SESTD1: variants seen among roughly 807,000 people sequenced by gnomAD.
SESTD1 encodes SEC14 domain and spectrin repeat-containing protein 1.
A neutral mutation model predicts 101.7 loss-of-function variants in SESTD1; 43 were observed. The observed-to-expected ratio is 0.42, with a 90% CI of 0.33 to 0.55. The LOEUF is 0.55. SESTD1 is among the 20% of genes least tolerant of loss of function. The pLI, the probability that SESTD1 is intolerant of heterozygous loss-of-function variation, is 0.07. For missense variants in SESTD1, 647 were observed against 815.1 expected (o/e 0.79, Z 2.51); for synonymous variants, 283 against 286.8 (o/e 0.99, Z 0.13).
intron 14 of SESTD1, 128 bp from the exon 15 acceptor site, chr2:179,116,918 A>G (rs2044645927): frequency 7.9e-7 from 1 of 1,262,616 alleles, no homozygotes; most frequent in East Asian, 2.5e-5. Context: ...AAGTCTTAAA[A>G]GCTTATTTCA....
intron 9 of SESTD1, among the ~76,000 whole-genome samples, chr2:179,134,742 G>C (rs2045099606): frequency 6.6e-6 from 1 of 151,924 alleles, no homozygotes; most frequent in South Asian, 2.1e-4. Flanking sequence ...GCTCTCTAAA[G>C]CTCTTGTTTC....
At chr2:179,183,947 A>T (rs1348281691) in intron 2 of SESTD1, among the ~76,000 whole-genome samples, 3 of 151,950 alleles carry the variant, frequency 2.0e-5, no homozygotes, top group Non-Finnish European at 2.9e-5. Context: ...AGAATTTGTA[A>T]ACCAAGTCAA....
rs567557798 is a variant in SESTD1 at position 179,159,146 on chromosome 2, G to A, written c.370-7755C>T. On this transcript the variant is annotated intron_variant, in intron 5 of 17. Coordinates refer to ENST00000428443, the MANE Select transcript of SESTD1 (RefSeq NM_178123.5). The stretch of plus-strand genomic sequence containing the variant: ...ATCTTATTCTATGCATACGCTTTTC[G>A]CCTAACAATCACCTTTATAAAGTGG... Among the ~76,000 whole-genome samples the A allele has an allele frequency of 2.6e-5, 4 of 152,188 alleles. No individual in the cohort carries two copies. In the East Asian group the frequency reaches 5.8e-4, roughly 22 times the overall value.
chr2:179,144,546 T>A (rs2045353428), intron 8 of SESTD1, among the ~76,000 whole-genome samples: 1 of 151,400 alleles, frequency 6.6e-6, no homozygotes, highest in South Asian at 2.1e-4. Flanking sequence ...AAGCTGTAGA[T>A]ATTAAATAAT....
At chr2:179,186,684 ATTTTTTTTTTTTT>A (rs35153936) in intron 2 of SESTD1, among the ~76,000 whole-genome samples, 1 of 118,690 alleles carries the variant, frequency 8.4e-6, no homozygotes, top group South Asian at 2.9e-4. Flanking sequence ...TTTTCAGGGA[ATTTTTTTTTTTTT>A]TTTTTTTTGA....
At chr2:179,230,111 C>CTTTTTTTTTTTTTT (rs1559153333) in intron 1 of SESTD1, among the ~76,000 whole-genome samples, 1 of 80,358 alleles carries the variant, frequency 1.2e-5, no homozygotes, top group Admixed American at 2.0e-4. Context: ...TGGATTGTAT[C>CTTTTTTTTTTTTTT]TCTTTTTTTT....
chr2:179,130,231 G>A (rs2044978706), intron 10 of SESTD1, among the ~76,000 whole-genome samples: 1 of 152,084 alleles, frequency 6.6e-6, no homozygotes. Context: ...CAAGAGATCT[G>A]TGTCTTAACA....
rs193112572 is a variant in SESTD1 at position 179,230,503 on chromosome 2, G to C, written c.-26+33996C>G. On this transcript the variant is annotated intron_variant, in intron 1 of 17. Transcript: ENST00000428443. ...CATCATAAATCAGAAATATAAACCT[G>C]AAAATAGAATGGGCAAAAATAAATA... is the stretch of plus-strand genomic sequence containing the variant. 2.0e-5 allele frequency among the ~76,000 whole-genome samples: 3 copies of C among 151,858 alleles called. No individual in the cohort carries two copies. In the East Asian group the frequency reaches 5.8e-4, roughly 29 times the overall value.
At chr2:179,159,897 C>T (rs890134255) in intron 5 of SESTD1, among the ~76,000 whole-genome samples, 3 of 152,194 alleles carry the variant, frequency 2.0e-5, no homozygotes, top group African/African-American at 7.2e-5. Context: ...TCTTGTCACC[C>T]AGACTGGAGT....
chr2:179,238,372 C>T lies in SESTD1; in HGVS notation c.-26+26127G>A, dbSNP rs528982044. ...AACTGTTGGCATAATAAAATTAACG[C>T]CTTCTCATGGCCTTAGAAATCCTGT... On this transcript the variant is annotated intron_variant, in intron 1 of 17. Transcript: ENST00000428443. 3.3e-4 allele frequency among the ~76,000 whole-genome samples: 50 copies of T among 152,238 alleles called. 1 individual carries two copies. The highest frequency in any genetic ancestry group is 1.2e-3 in the African/African-American group (50 of 41,564).
chr2:179,255,046 T>C (rs372690719), intron 1 of SESTD1, among the ~76,000 whole-genome samples: 3 of 152,198 alleles, frequency 2.0e-5, no homozygotes, highest in African/African-American at 7.2e-5. Context: ...CCATATAAGA[T>C]GGCGAACTTA....
chr2:179,181,630 A>C (rs141126237), intron 3 of SESTD1, among the ~76,000 whole-genome samples: 3 of 152,258 alleles, frequency 2.0e-5, no homozygotes, highest in African/African-American at 7.2e-5. Flanking sequence ...TGTGCGACTC[A>C]CTAGGTGTGA....
chr2:179,209,013 G>A (rs1418065627), intron 1 of SESTD1, among the ~76,000 whole-genome samples: 1 of 134,934 alleles, frequency 7.4e-6, no homozygotes, highest in Non-Finnish European at 1.6e-5. Flanking sequence ...TAAACTTAAG[G>A]TAAACAGGTG....
intron 1 of SESTD1, among the ~76,000 whole-genome samples, chr2:179,196,691 G>A (rs1230133817): frequency 2.0e-5 from 3 of 152,176 alleles, no homozygotes; most frequent in Non-Finnish European, 4.4e-5. Context: ...CCCCCCAGAA[G>A]GGGCAGACTG....
At chr2:179,205,575 G>C (rs1280370351) in intron 1 of SESTD1, among the ~76,000 whole-genome samples, 2 of 135,186 alleles carry the variant, frequency 1.5e-5, no homozygotes, top group East Asian at 4.0e-4. Context: ...TATCTCCTGA[G>C]AGATGGGTGC....
At chr2:179,170,261 C>A (rs950049310) in intron 5 of SESTD1, among the ~76,000 whole-genome samples, 3 of 150,192 alleles carry the variant, frequency 2.0e-5, no homozygotes, top group African/African-American at 7.3e-5. Context: ...AAAAAAATTT[C>A]TTGAAAACTG....
intron 1 of SESTD1, among the ~76,000 whole-genome samples, chr2:179,258,677 G>A (rs1574073936): frequency 6.6e-6 from 1 of 152,054 alleles, no homozygotes; most frequent in Non-Finnish European, 1.5e-5. Flanking sequence ...ACATGCACAC[G>A]CACGTGCATG....
intron 1 of SESTD1, among the ~76,000 whole-genome samples, chr2:179,204,972 A>T (rs1407075865): frequency 7.4e-6 from 1 of 134,502 alleles, no homozygotes; most frequent in Non-Finnish European, 1.6e-5. Flanking sequence ...GATTTTCCTT[A>T]TGGTATATGA....
intron 1 of SESTD1, among the ~76,000 whole-genome samples, chr2:179,196,576 C>A (rs1046562231): frequency 1.3e-5 from 2 of 152,112 alleles, no homozygotes; most frequent in Non-Finnish European, 2.9e-5. Context: ...GCTTTGAAGA[C>A]AGCAGTGGTT....
Sources: gnomAD v4.1 joint callset for allele counts (sites outside exome capture counted in the v4.1 genomes callset) on GRCh38, gnomAD v4.1.1 for gene constraint, MANE v1.5 for transcripts, NCBI Gene and HGNC (gene_info 2026-07-23, HGNC 2026-07-21) for gene names.